Variants in KAZN observed in about 807,000 individuals in gnomAD.
The protein encoded by KAZN is kazrin.
A neutral mutation model predicts 87.4 loss-of-function variants in KAZN; 40 were observed. That is an observed-to-expected ratio of 0.46 (90% CI 0.36 to 0.60). The LOEUF (loss-of-function observed/expected upper bound fraction) is 0.60. KAZN is among the 20% of genes least tolerant of loss of function. KAZN has a pLI of 0.00. For synonymous variants in KAZN, 466 were observed against 458.3 expected, an observed-to-expected ratio of 1.02 and a Z score of -0.22; for missense variants, 898 against 1,073.9, an observed-to-expected ratio of 0.84 and a Z score of 2.29.
At chr1:14,354,376 A>G (rs1266156216) in intron 2 of KAZN, among the ~76,000 whole-genome samples, 1 of 152,204 alleles carries the variant, frequency 6.6e-6, no homozygotes, top group Admixed American at 6.5e-5. Context: ...TGAAAAGACA[A>G]GCCAGGAGCT....
chr1:14,782,099 A>G (rs1198303974), intron 1 of KAZN, among the ~76,000 whole-genome samples: 1 of 152,226 alleles, frequency 6.6e-6, no homozygotes, highest in Non-Finnish European at 1.5e-5. Context: ...AAAGAATGCC[A>G]TATATGTGTT....
At chr1:14,780,520 G>A (rs963494800) in intron 1 of KAZN, among the ~76,000 whole-genome samples, 2 of 152,176 alleles carry the variant, frequency 1.3e-5, no homozygotes, top group Non-Finnish European at 1.5e-5. Context: ...GGGAGCCTCC[G>A]GTTTCTCTTC....
intron 1 of KAZN, among the ~76,000 whole-genome samples, chr1:14,887,828 T>G (rs931348859): frequency 2.0e-5 from 3 of 152,188 alleles, no homozygotes; most frequent in African/African-American, 7.2e-5. Context: ...GTCTCCATAA[T>G]GATCTTTATC....
At chr1:14,981,611 C>G (rs1666259227) in intron 2 of KAZN, among the ~76,000 whole-genome samples, 1 of 152,238 alleles carries the variant, frequency 6.6e-6, no homozygotes, top group Non-Finnish European at 1.5e-5. Flanking sequence ...GCCTCCTCCT[C>G]CAGGTTGCCG....
chr1:14,343,583 C>CTGCCCTCAAAGAGGA (rs746037937), intron 2 of KAZN, among the ~76,000 whole-genome samples: 3 of 152,192 alleles, frequency 2.0e-5, no homozygotes, highest in Non-Finnish European at 4.4e-5. Context: ...CATTAACCAA[C>CTGCCCTCAAAGAGGA]TGCCCTCAAA....
intron 2 of KAZN, among the ~76,000 whole-genome samples, chr1:14,999,730 G>C (rs983931104): frequency 6.6e-6 from 1 of 152,220 alleles, no homozygotes; most frequent in Non-Finnish European, 1.5e-5. Flanking sequence ...TCTGCTCTTC[G>C]AGGAATGCGC....
At chr1:14,982,531 G>A (rs897860632) in intron 2 of KAZN, among the ~76,000 whole-genome samples, 1 of 148,774 alleles carries the variant, frequency 6.7e-6, no homozygotes, top group Non-Finnish European at 1.5e-5. Flanking sequence ...CCAGGTTCAG[G>A]CAATTCTCCT....
At chr1:14,064,537 GT>G (rs1212330086) in intron 1 of KAZN, among the ~76,000 whole-genome samples, 1 of 152,214 alleles carries the variant, frequency 6.6e-6, no homozygotes, top group African/African-American at 2.4e-5. Context: ...GACTTGGCTT[GT>G]TTGTTTGTTG....
chr1:14,066,207 T>C (rs965603526), intron 1 of KAZN, among the ~76,000 whole-genome samples: 1 of 152,252 alleles, frequency 6.6e-6, no homozygotes, highest in Admixed American at 6.5e-5. Flanking sequence ...ATTTTCTTTA[T>C]CCACTCATCA....
At chr1:14,993,196 G>A (rs1446385254) in intron 2 of KAZN, among the ~76,000 whole-genome samples, 4 of 150,938 alleles carry the variant, frequency 2.7e-5, no homozygotes, top group African/African-American at 4.9e-5. Flanking sequence ...GGCCAGGCGC[G>A]GTGGCTCACG....
intron 2 of KAZN, among the ~76,000 whole-genome samples, chr1:14,560,470 T>C (rs1481994736): frequency 6.6e-6 from 1 of 152,058 alleles, no homozygotes; most frequent in African/African-American, 2.4e-5. Flanking sequence ...TCCCAGCTAC[T>C]CAGAAGGCTG....
At chr1:14,822,809 G>A (rs910718187) in intron 1 of KAZN, among the ~76,000 whole-genome samples, 4 of 152,078 alleles carry the variant, frequency 2.6e-5, no homozygotes, top group East Asian at 3.9e-4. Flanking sequence ...CTGGCATCAC[G>A]GTGGCCCACA....
intron 1 of KAZN, among the ~76,000 whole-genome samples, chr1:13,949,297 A>G (rs1641259494): frequency 7.8e-6 from 1 of 128,352 alleles, no homozygotes; most frequent in Non-Finnish European, 1.6e-5. Context: ...TCCCAAGAAC[A>G]TCCCATGAGC....
At chr1:14,655,324 CAA>C (rs973798731) in intron 1 of KAZN, among the ~76,000 whole-genome samples, 5 of 152,240 alleles carry the variant, frequency 3.3e-5, no homozygotes, top group Non-Finnish European at 7.3e-5. Flanking sequence ...CAGACCACAG[CAA>C]AGTCCCATGG....
At chr1:14,777,093 C>T (rs1645199553) in intron 1 of KAZN, among the ~76,000 whole-genome samples, 2 of 152,112 alleles carry the variant, frequency 1.3e-5, no homozygotes, top group Admixed American at 1.3e-4. Flanking sequence ...TGCTGCCTCC[C>T]GGGTTCACGC....
chr1:14,072,704 C>T (rs1643295536), intron 1 of KAZN, among the ~76,000 whole-genome samples: 1 of 152,114 alleles, frequency 6.6e-6, no homozygotes, highest in Admixed American at 6.6e-5. Context: ...GCTTTAGTTC[C>T]AGCTGCGTGA....
chr1:14,103,715 A>G (rs2101651459), intron 1 of KAZN, among the ~76,000 whole-genome samples: 1 of 152,160 alleles, frequency 6.6e-6, no homozygotes, highest in South Asian at 2.1e-4. Flanking sequence ...TTGTGATTTT[A>G]TTGGGCTCAC....
In KAZN at chr1:14,734,836, G is replaced by A. The variant is rs143932238; in HGVS notation, c.226+135613G>A. Reference sequence around the variant, plus strand: ...GCACACCAGTCTCCTTCATGGAACAGACCAGACTGCGTGTCCCAAGCATCT... The same window carrying A: ...GCACACCAGTCTCCTTCATGGAACAAACCAGACTGCGTGTCCCAAGCATCT... On this transcript the variant is annotated intron_variant, in intron 1 of 14. Transcript: ENST00000376030. Among the ~76,000 whole-genome samples the A allele has an allele frequency of 3.0e-3, 461 of 152,330 alleles. 2 individuals carry two copies. Among genetic ancestry groups the A allele is most frequent in the African/African-American group, 0.01 (433 of 41,582 alleles).
chr1:14,280,328 G>A (rs187647842), intron 2 of KAZN, among the ~76,000 whole-genome samples: 6 of 133,476 alleles, frequency 4.5e-5, no homozygotes, highest in Non-Finnish European at 9.1e-5. Flanking sequence ...CCAAGATCGC[G>A]CCACTGCACT....
Sources: allele counts gnomAD v4.1 joint callset (sites outside exome capture counted in the v4.1 genomes callset), GRCh38; gene constraint gnomAD v4.1.1; transcripts MANE v1.5; gene names NCBI Gene and HGNC (gene_info 2026-07-23, HGNC 2026-07-21).